Variants in BCAS3 observed in about 807,000 individuals in gnomAD.
BCAS3 encodes the protein BCAS3 microtubule associated cell migration factor, also known as BCAS4/BCAS3 fusion.
Under a neutral mutation model 116.1 loss-of-function variants are expected in BCAS3, and 53 were observed. The observed-to-expected ratio is 0.46, with a 90% CI of 0.37 to 0.57. BCAS3 has a LOEUF of 0.57. BCAS3 is among the 20% of genes least tolerant of loss of function. The pLI is 0.00. For missense variants in BCAS3, 917 were observed against 1,165.4 expected, an observed-to-expected ratio of 0.79 and a Z score of 3.10; for synonymous variants, 391 against 408.2, an observed-to-expected ratio of 0.96 and a Z score of 0.51.
chr17:60,682,032 A>G (rs757702869), intron 2 of BCAS3, among the ~76,000 whole-genome samples: 2 of 152,044 alleles, frequency 1.3e-5, no homozygotes, highest in Non-Finnish European at 2.9e-5. Flanking sequence ...GCCCGGCCTA[A>G]TTTTTGTATT....
intron 22 of BCAS3, among the ~76,000 whole-genome samples, chr17:61,299,074 C>T (rs1486606374): frequency 6.6e-6 from 1 of 151,816 alleles, no homozygotes; most frequent in Non-Finnish European, 1.5e-5. Flanking sequence ...CCTCCCACCT[C>T]AGCCTCCCAA....
chr17:60,683,719 C>A (rs1333930099), intron 2 of BCAS3, among the ~76,000 whole-genome samples: 1 of 151,386 alleles, frequency 6.6e-6, no homozygotes, highest in Non-Finnish European at 1.5e-5. Context: ...GTAGTCCCAG[C>A]TACTTGGGAG....
At chr17:60,821,612 G>A (rs1342160987) in intron 7 of BCAS3, 1 of 151,946 alleles carries the variant, frequency 6.6e-6, no homozygotes, top group Non-Finnish European at 1.5e-5. Flanking sequence ...GAATCATATA[G>A]TATGTACTCT....
chr17:60,841,455 C>G (rs1190069211), intron 7 of BCAS3, among the ~76,000 whole-genome samples: 2 of 150,228 alleles, frequency 1.3e-5, no homozygotes, highest in African/African-American at 4.9e-5. Flanking sequence ...TCTCGGCTTA[C>G]TGCAAGCTCT....
chr17:61,024,962 A>G (rs1253697944), intron 16 of BCAS3, among the ~76,000 whole-genome samples: 1 of 152,084 alleles, frequency 6.6e-6, no homozygotes, highest in Non-Finnish European at 1.5e-5. Context: ...GTAAGCCTGG[A>G]CATTCCAGAT....
In BCAS3 at chr17:61,084,661, C is replaced by T; in HGVS notation, c.2425+97C>T. The T allele has an allele frequency of 9.4e-7, 1 of 1,068,134 alleles. No individual in the cohort carries two copies. The highest frequency in any genetic ancestry group is 1.4e-6 in the Non-Finnish European group (1 of 714,608). The allele number at this position is 1,068,134 out of a possible 1,614,324, so 66.2% of individuals were successfully genotyped here. On this transcript the variant is annotated intron_variant, in intron 22 of 23. Coordinates refer to ENST00000407086, the MANE Select transcript of BCAS3 (RefSeq NM_017679.5). This position sits in a 1 kb window ranked among gnomAD's most constrained non-coding sequence, Gnocchi z 5.5. ...GAGGATGACATTTATTTGCTTTCCT[C>T]TCTGTTTTTTTGTTTTGTGGTGTGT... is the stretch of plus-strand genomic sequence containing the variant.
In BCAS3 at chr17:60,868,607, T is replaced by C. The variant is rs1173200299; in HGVS notation, c.508T>C (p.Tyr170His). Residue 170 changes from tyrosine to histidine, a missense_variant, in exon 8 of 24, where the codon TAT becomes CAT. By Grantham distance (83) the Tyr-to-His change is moderately conservative. This residue lies in a region of BCAS3 where 807 missense variants were observed against 1,026.0 expected (regional missense o/e 0.79). Transcript: ENST00000407086. ...CCCACCGTACTGTTGTGTGGATCTG[T>C]ATTCACTTCGTACTGGGGAGATGGT... Reference protein sequence around the residue: ...TSPPYCCVDLYSLRTGEMVKS... With the variant: ...TSPPYCCVDLHSLRTGEMVKS... 1 of 1,601,056 alleles carries C rather than the reference T, an allele frequency of 6.2e-7. No individual in the cohort carries two copies. Among genetic ancestry groups the C allele is most frequent in the Non-Finnish European group, 8.5e-7 (1 of 1,175,404 alleles).
intron 19 of BCAS3, among the ~76,000 whole-genome samples, chr17:61,074,512 A>AT (rs1369374482): frequency 1.3e-5 from 2 of 152,002 alleles, no homozygotes; most frequent in South Asian, 2.1e-4. Context: ...GGATAAATGA[A>AT]TTTTTTTTAG....
rs1318951747 is a variant in BCAS3 at position 61,286,367 on chromosome 17, C to T, written c.2426-81960C>T. 6.6e-6 allele frequency among the ~76,000 whole-genome samples: 1 copy of T among 152,156 alleles called. No homozygotes were observed. The highest frequency in any genetic ancestry group is 2.4e-5 in the African/African-American group (1 of 41,434). ...CTGGGTTTATACTGATGTCTGCGCC[C>T]ACTCCTGTGCTGGTGAAGTCTGGCG... On this transcript the variant is annotated intron_variant, in intron 22 of 23. Coordinates refer to ENST00000407086, the MANE Select transcript of BCAS3 (RefSeq NM_017679.5). The surrounding 1 kb of genome is among the most constrained non-coding windows in gnomAD (Gnocchi z 4.8).
At chr17:61,209,608 G>A (rs2081339571) in intron 22 of BCAS3, among the ~76,000 whole-genome samples, 1 of 152,168 alleles carries the variant, frequency 6.6e-6, no homozygotes, top group African/African-American at 2.4e-5. Context: ...CATTCTTGGC[G>A]TGGCTGTGGC....
At chr17:60,863,246 G>A (rs2144862857) in intron 7 of BCAS3, among the ~76,000 whole-genome samples, 1 of 152,140 alleles carries the variant, frequency 6.6e-6, no homozygotes, top group South Asian at 2.1e-4. Flanking sequence ...TCACTATTCT[G>A]TTTCCTTGAA....
Position 61,219,177 on chromosome 17 carries a change from T to TA in BCAS3, c.2425+134614dup, listed in dbSNP as rs2081971674. ...CTTTTTGAGAAGTGTTCACTCTTCT[T>TA]ATGGGGGACGAAGGTGAGTAGATGA... On this transcript the variant is annotated intron_variant, in intron 22 of 23. Transcript: ENST00000407086. This position sits in a 1 kb window ranked among gnomAD's most constrained non-coding sequence, Gnocchi z 5.2. 6.6e-6 allele frequency among the ~76,000 whole-genome samples: 1 copy of TA among 152,164 alleles called. No homozygotes were observed. The highest frequency in any genetic ancestry group is 2.4e-5 in the African/African-American group (1 of 41,440).
At chr17:60,737,482 G>A (rs1184129347) in intron 5 of BCAS3, among the ~76,000 whole-genome samples, 1 of 151,976 alleles carries the variant, frequency 6.6e-6, no homozygotes, top group Non-Finnish European at 1.5e-5. Flanking sequence ...AAGGTGGAAG[G>A]TTAGATTTTT....
At chr17:60,701,249 A>AG (rs1175601083) in intron 4 of BCAS3, among the ~76,000 whole-genome samples, 2 of 152,046 alleles carry the variant, frequency 1.3e-5, no homozygotes, top group African/African-American at 4.8e-5. Flanking sequence ...CTCCAAAAAA[A>AG]AAATAAATAA....
chr17:60,941,398 A>G (rs1339339771), intron 13 of BCAS3, among the ~76,000 whole-genome samples: 2 of 152,082 alleles, frequency 1.3e-5, no homozygotes, highest in African/African-American at 4.8e-5. Context: ...TTTTATGTAT[A>G]TGTGCATTTT....
intron 22 of BCAS3, among the ~76,000 whole-genome samples, chr17:61,335,844 A>G (rs774900042): frequency 1.2e-4 from 18 of 152,272 alleles, no homozygotes; most frequent in Non-Finnish European, 1.8e-4. Context: ...TATAAACTCC[A>G]ATCTGGCCAA....
In BCAS3 at chr17:61,106,113, G is replaced by T. The variant is rs1375674513; in HGVS notation, c.2425+21549G>T. The stretch of plus-strand genomic sequence containing the variant: ...TTAATGGCCCCAAAGCACAAGGGTT[G>T]ATGCTGGCATATTGTTATAATTGTT... On this transcript the variant is annotated intron_variant, in intron 22 of 23. Transcript: ENST00000407086. The surrounding 1 kb of genome is among the most constrained non-coding windows in gnomAD (Gnocchi z 4.2). 1.3e-5 allele frequency among the ~76,000 whole-genome samples: 2 copies of T among 152,148 alleles called. No homozygotes were observed. Among genetic ancestry groups the T allele is most frequent in the African/African-American group, 4.8e-5 (2 of 41,416 alleles).
At chr17:61,138,123 G>T (rs537793503) in intron 22 of BCAS3, among the ~76,000 whole-genome samples, 1 of 152,186 alleles carries the variant, frequency 6.6e-6, no homozygotes, top group African/African-American at 2.4e-5. Context: ...GAAATGTGGC[G>T]TATCTGTGCT....
At position 61,188,163 on chromosome 17, in the gene BCAS3, A is replaced by G. The variant is rs557873947; in HGVS notation, c.2425+103599A>G. On this transcript the variant is annotated intron_variant, in intron 22 of 23. Coordinates refer to ENST00000407086, the MANE Select transcript of BCAS3 (RefSeq NM_017679.5). The surrounding 1 kb of genome is among the most constrained non-coding windows in gnomAD (Gnocchi z 4.0). The stretch of plus-strand genomic sequence containing the variant: ...GATTTCAGGGATGTCTTCACCCCTA[A>G]AACAATCTCTCCTTGCTATTCTCGC... Among the ~76,000 whole-genome samples the G allele has an allele frequency of 2.6e-4, 39 of 152,228 alleles. No homozygotes were observed. The highest frequency in any genetic ancestry group is 5.3e-4 in the Non-Finnish European group (36 of 68,042).
Sources: gnomAD v4.1 joint callset for allele counts (sites outside exome capture counted in the v4.1 genomes callset) on GRCh38, gnomAD v4.1.1 for gene constraint, gnomAD v4.1.1 regional missense constraint, Gnocchi (gnomAD v3.1) non-coding constraint, MANE v1.5 for transcripts, NCBI Gene and HGNC (gene_info 2026-07-23, HGNC 2026-07-21) for gene names.